ZSCAN18: variants seen among roughly 807,000 people sequenced by gnomAD.
The protein encoded by ZSCAN18 is zinc finger and SCAN domain-containing protein 18.
In ZSCAN18, 16 loss-of-function variants were observed where a neutral mutation model predicts 31.1. That is an observed-to-expected ratio of 0.51 (90% CI 0.35 to 0.78). ZSCAN18 has a LOEUF of 0.78. Ranked by LOEUF, ZSCAN18 falls within the 30% of genes least tolerant of loss-of-function variation. The pLI is 0.01. For synonymous variants in ZSCAN18, 375 were observed against 320.7 expected, an observed-to-expected ratio of 1.17 and a Z score of -1.81; for missense variants, 731 against 697.4, an observed-to-expected ratio of 1.05 and a Z score of -0.54.
intron 1 of ZSCAN18, among the ~76,000 whole-genome samples, chr19:58,092,985 C>G (rs531190530): frequency 9.8e-4 from 149 of 152,194 alleles, no homozygotes; most frequent in Non-Finnish European, 1.4e-3. Context: ...CTATGTTGCC[C>G]AGGCTGGTCT....
chr19:58,088,871 G>C, intron 2 of ZSCAN18, 34 bp from the exon 3 acceptor site: 1 of 1,590,680 alleles, frequency 6.3e-7, no homozygotes. Flanking sequence ...GACCCCAAGA[G>C]GTCAGGACAC....
At chr19:58,100,093 G>C (rs2074580769), upstream of ZSCAN18, among the ~76,000 whole-genome samples, 1 of 151,252 alleles carries the variant, frequency 6.6e-6, no homozygotes, top group African/African-American at 2.4e-5. Context: ...CGAGTAGCTG[G>C]AACTACAGGT....
At position 58,090,633 on chromosome 19, in the gene ZSCAN18, A is replaced by AAG. The variant is rs1334218830; in HGVS notation, c.-119-249_-119-248dup. The AAG allele has an allele frequency of 2.6e-6, 1 of 379,990 alleles. No homozygotes were observed. Among genetic ancestry groups the AAG allele is most frequent in the Non-Finnish European group, 4.7e-6 (1 of 212,598 alleles). 23.5% of individuals were successfully genotyped at this position (379,990 alleles called of 1,614,324 possible). ...GAGACCGAGTCACCCTCTGTCACCC[A>AAG]AGCTGGAGTGCAGTGGCGCAATCTC... On this transcript the variant is annotated intron_variant, in intron 1 of 6. Transcript: ENST00000601144. This position sits in a 1 kb window ranked among gnomAD's most constrained non-coding sequence, Gnocchi z 4.7.
At chr19:58,102,122 T>C (rs568305147), upstream of ZSCAN18, among the ~76,000 whole-genome samples, 1 of 152,194 alleles carries the variant, frequency 6.6e-6, no homozygotes. Flanking sequence ...AGAAGCTCCA[T>C]AAGGACGGTG....
At chr19:58,099,353 A>T (rs2547352), upstream of ZSCAN18, among the ~76,000 whole-genome samples, 26,352 of 151,980 alleles carry the variant, frequency 0.17, 2,297 homozygotes, top group African/African-American at 0.21. Flanking sequence ...GGGATCATAC[A>T]GTATGTGGCC....
intron 1 of ZSCAN18, chr19:58,108,297 AG>A (rs1470618519): frequency 2.0e-6 from 2 of 985,372 alleles, no homozygotes; most frequent in Non-Finnish European, 2.4e-6. Context: ...ATGGACAATA[AG>A]GTTGGAGACA....
intron 1 of ZSCAN18, among the ~76,000 whole-genome samples, chr19:58,093,832 G>A (rs992993726): frequency 6.6e-6 from 1 of 151,894 alleles, no homozygotes; most frequent in African/African-American, 2.4e-5. Flanking sequence ...GTGGCACAAT[G>A]TCAGCTCACC....
At chr19:58,111,886 G>T (rs1272061370) in intron 1 of ZSCAN18, among the ~76,000 whole-genome samples, 1 of 152,196 alleles carries the variant, frequency 6.6e-6, no homozygotes. Flanking sequence ...TTCATGGAAT[G>T]CAAGGATATT....
intron 2 of ZSCAN18, among the ~76,000 whole-genome samples, chr19:58,089,042 G>A (rs1056576265): frequency 5.3e-5 from 8 of 152,030 alleles, no homozygotes; most frequent in Middle Eastern, 3.4e-3. Flanking sequence ...GGTGGCTCAC[G>A]CCTGTAATCC....
intron 1 of ZSCAN18, chr19:58,109,427 C>T: frequency 9.6e-7 from 1 of 1,046,440 alleles, no homozygotes; most frequent in Non-Finnish European, 1.2e-6. Flanking sequence ...TGTGCCCATT[C>T]TGTGACACAG....
chr19:58,104,955 T>C (rs2074624443), intron 1 of ZSCAN18, among the ~76,000 whole-genome samples: 1 of 152,188 alleles, frequency 6.6e-6, no homozygotes, highest in African/African-American at 2.4e-5. Context: ...AGGTAGTGTT[T>C]TCACAACTAG....
At chr19:58,105,461 A>C (rs2074627587) in intron 1 of ZSCAN18, among the ~76,000 whole-genome samples, 1 of 152,122 alleles carries the variant, frequency 6.6e-6, no homozygotes, top group Non-Finnish European at 1.5e-5. Context: ...GGAGATCGAG[A>C]CCATCCTGGC....
intron 1 of ZSCAN18, among the ~76,000 whole-genome samples, chr19:58,103,800 G>GTCAAA (rs56060875): frequency 0.56 from 84,881 of 151,606 alleles, 25,649 homozygotes; most frequent in Non-Finnish European, 0.68. Context: ...AGGAAGGCGT[G>GTCAAA]TCAAAGACAG....
intron 1 of ZSCAN18, among the ~76,000 whole-genome samples, chr19:58,107,111 G>T (rs2074640722): frequency 6.6e-6 from 1 of 152,076 alleles, no homozygotes; most frequent in Admixed American, 6.6e-5. Flanking sequence ...AATTACTCCT[G>T]ATCTATGATG....
At chr19:58,104,619 T>C (rs1207838576) in intron 1 of ZSCAN18, among the ~76,000 whole-genome samples, 2 of 151,660 alleles carry the variant, frequency 1.3e-5, no homozygotes, top group African/African-American at 4.8e-5. Flanking sequence ...TGAGAATTGC[T>C]TGAACCCAGG....
At chr19:58,086,734 C>A in intron 5 of ZSCAN18, 172 bp downstream of exon 5, 1 of 588,746 alleles carries the variant, frequency 1.7e-6, no homozygotes, top group Non-Finnish European at 3.0e-6. Context: ...ATGTTTAGAT[C>A]AGAAAGGGTG....
At chr19:58,092,729 G>A in intron 1 of ZSCAN18, 1 of 983,572 alleles carries the variant, frequency 1.0e-6, no homozygotes, top group East Asian at 1.1e-4. Flanking sequence ...AAGCAGAACA[G>A]AGCCATGCCG....
intron 1 of ZSCAN18, among the ~76,000 whole-genome samples, chr19:58,097,315 T>C (rs2074537772): frequency 6.6e-6 from 1 of 150,834 alleles, no homozygotes; most frequent in African/African-American, 2.4e-5. Flanking sequence ...TAGAGGGGGA[T>C]TGGGAAAAGG....
chr19:58,085,476 T>TCCAGAGC, intron 6 of ZSCAN18, 97 bp from the exon 7 acceptor site: 1 of 1,136,086 alleles, frequency 8.8e-7, no homozygotes, highest in Non-Finnish European at 1.2e-6. Flanking sequence ...CGCACAGGGC[T>TCCAGAGC]CCGGGCTCTG....
Sources: gnomAD v4.1 joint callset for allele counts (sites outside exome capture counted in the v4.1 genomes callset) on GRCh38, gnomAD v4.1.1 for gene constraint, Gnocchi (gnomAD v3.1) non-coding constraint, MANE v1.5 for transcripts, NCBI Gene and HGNC (gene_info 2026-07-23, HGNC 2026-07-21) for gene names.